Variants in LMBR1 observed in about 807,000 individuals in gnomAD.
LMBR1 encodes limb region 1 protein homolog.
A neutral mutation model predicts 73.9 loss-of-function variants in LMBR1; 52 were observed. The observed-to-expected ratio is 0.70, with a 90% CI of 0.56 to 0.89. LMBR1 has a LOEUF of 0.89. Among genes scored for constraint, LMBR1 ranks in the 40% least tolerant of loss-of-function variants. The pLI is 0.00. For missense variants in LMBR1, 539 were observed against 579.8 expected, an observed-to-expected ratio of 0.93 and a Z score of 0.72; for synonymous variants, 215 against 209.4, an observed-to-expected ratio of 1.03 and a Z score of -0.23.
chr7:156,721,555 C>T (rs753094318), intron 15 of LMBR1, among the ~76,000 whole-genome samples: 1 of 152,002 alleles, frequency 6.6e-6, no homozygotes, highest in Non-Finnish European at 1.5e-5. Flanking sequence ...ACTAAAAATA[C>T]AGACATCAAA....
rs528932308 is a variant in LMBR1, at chr7:156,726,409, A to T, written c.994-572T>A. On this transcript the variant is annotated intron_variant, in intron 12 of 16. Coordinates refer to ENST00000353442, the MANE Select transcript of LMBR1 (RefSeq NM_022458.4). ...GATTTTTAAAAAAGTAATGCTATAA[A>T]TTTTTTCCTAAACAATTATCCCTAT... Among the ~76,000 whole-genome samples the T allele has an allele frequency of 2.6e-5, 4 of 152,070 alleles. No individual in the cohort carries two copies. The East Asian group carries it at 5.8e-4, about 22-fold the overall frequency.
intron 1 of LMBR1, among the ~76,000 whole-genome samples, chr7:156,876,089 A>G (rs1800125427): frequency 6.6e-6 from 1 of 152,154 alleles, no homozygotes; most frequent in African/African-American, 2.4e-5. Context: ...CCTAACACAT[A>G]AGGACTCACA....
chr7:156,847,892 A>G (rs188857127), intron 1 of LMBR1, among the ~76,000 whole-genome samples: 1 of 152,276 alleles, frequency 6.6e-6, no homozygotes, highest in African/African-American at 2.4e-5. Flanking sequence ...TTACCATATG[A>G]TTCAGCAATC....
rs147514515 is a variant in LMBR1, at chr7:156,670,677, G to A, written n.867-1390C>T. ...GACCTGCAGATTTCCCAGTGGGAGC[G>A]GCAGAAGGTGAGATGGCATCTCCGT... On this transcript the variant is annotated intron_variant and non_coding_transcript_variant, in intron 4 of 4. Transcript: ENST00000430825. This position sits in a 1 kb window ranked among gnomAD's most constrained non-coding sequence, Gnocchi z 4.3. 1.6e-3 allele frequency among the ~76,000 whole-genome samples: 247 copies of A among 152,260 alleles called. No homozygotes were observed. Among genetic ancestry groups the A allele is most frequent in the African/African-American group, 5.3e-3 (221 of 41,546 alleles).
chr7:156,697,732 A>C (rs1013189869), intron 15 of LMBR1, among the ~76,000 whole-genome samples: 2 of 152,042 alleles, frequency 1.3e-5, no homozygotes, highest in Admixed American at 6.6e-5. Context: ...AATCACTGTT[A>C]TTCTATTCTT....
intron 9 of LMBR1, among the ~76,000 whole-genome samples, chr7:156,747,103 A>G (rs1819982555): frequency 6.6e-6 from 1 of 152,196 alleles, no homozygotes. Context: ...AAATTGTAAG[A>G]GTATCTATTT....
rs190719791 is a variant in LMBR1, at chr7:156,743,172, T to C, written c.758-8915A>G. Among the ~76,000 whole-genome samples, 346 of 152,292 alleles carry C rather than the reference T, an allele frequency of 2.3e-3. 3 individuals are homozygous for C. The highest frequency in any genetic ancestry group is 7.0e-3 in the African/African-American group (292 of 41,578). ...ATGAAGTAGCTCACTCTACTTCGTC[T>C]GGTGGTGCCACTTTTTGGGACTTTT... is the stretch of plus-strand genomic sequence containing the variant. On this transcript the variant is annotated intron_variant, in intron 9 of 16. Transcript: ENST00000353442.
chr7:156,754,003 G>A (rs548010171), intron 9 of LMBR1, among the ~76,000 whole-genome samples: 182 of 151,670 alleles, frequency 1.2e-3, no homozygotes, highest in African/African-American at 3.6e-3. Context: ...CTATGATCTC[G>A]AGACTCAGCG....
intron 15 of LMBR1, among the ~76,000 whole-genome samples, chr7:156,713,056 C>G (rs1812411809): frequency 6.6e-6 from 1 of 152,022 alleles, no homozygotes; most frequent in Non-Finnish European, 1.5e-5. Context: ...GAATCTTATT[C>G]CACGTTAAAA....
chr7:156,782,871 C>T (rs1438178847), intron 5 of LMBR1, among the ~76,000 whole-genome samples: 1 of 152,094 alleles, frequency 6.6e-6, no homozygotes, highest in Admixed American at 6.5e-5. Context: ...CTGCATTTCC[C>T]TAGTGATTAG....
intron 8 of LMBR1, among the ~76,000 whole-genome samples, chr7:156,756,801 T>C (rs1821970327): frequency 6.6e-6 from 1 of 152,086 alleles, no homozygotes; most frequent in Non-Finnish European, 1.5e-5. Flanking sequence ...GCTACATGTA[T>C]GAATTTTTTT....
intron 15 of LMBR1, among the ~76,000 whole-genome samples, chr7:156,715,044 T>C (rs1318847949): frequency 6.6e-6 from 1 of 151,682 alleles, no homozygotes; most frequent in African/African-American, 2.4e-5. Flanking sequence ...CTCTGCTGCC[T>C]GGGTTCAAGT....
At chr7:156,721,291 A>G (rs1241261635) in intron 15 of LMBR1, among the ~76,000 whole-genome samples, 1 of 152,140 alleles carries the variant, frequency 6.6e-6, no homozygotes, top group Non-Finnish European at 1.5e-5. Flanking sequence ...TTCCTCTTTA[A>G]AGGAGAATTC....
intron 5 of LMBR1, among the ~76,000 whole-genome samples, chr7:156,777,121 G>C (rs2133135440): frequency 6.6e-6 from 1 of 152,242 alleles, no homozygotes; most frequent in African/African-American, 2.4e-5. Context: ...ATTTTTAGTA[G>C]AGATGGGGTT....
chr7:156,752,135 A>G (rs1303981252), intron 9 of LMBR1, among the ~76,000 whole-genome samples: 1 of 152,228 alleles, frequency 6.6e-6, no homozygotes, highest in African/African-American at 2.4e-5. Flanking sequence ...AAGTGGAATA[A>G]AAGACATTTC....
intron 1 of LMBR1, among the ~76,000 whole-genome samples, chr7:156,839,123 C>T (rs1209685212): frequency 7.0e-6 from 1 of 142,886 alleles, no homozygotes; most frequent in African/African-American, 2.6e-5. Flanking sequence ...GATCTTGGCT[C>T]ATTGCAACCT....
chr7:156,675,682 CG>C (rs386419899), downstream of LMBR1: 72 of 1,600,654 alleles, frequency 4.5e-5, no homozygotes, highest in African/African-American at 1.9e-4. Context: ...TACCCGCCCC[CG>C]CCTCCTCCTC....
intron 14 of LMBR1, among the ~76,000 whole-genome samples, chr7:156,725,154 C>T (rs937651792): frequency 2.6e-5 from 4 of 152,148 alleles, no homozygotes; most frequent in Non-Finnish European, 2.9e-5. Flanking sequence ...ATTAGCAATA[C>T]GTTTTCTTTA....
intron 4 of LMBR1, among the ~76,000 whole-genome samples, chr7:156,815,176 G>T (rs1446786952): frequency 1.1e-5 from 1 of 91,498 alleles, no homozygotes; most frequent in Non-Finnish European, 2.3e-5. Context: ...AAAAAAAAAA[G>T]TACAAAAAAA....
Sources: gnomAD v4.1 joint callset for allele counts (sites outside exome capture counted in the v4.1 genomes callset) on GRCh38, gnomAD v4.1.1 for gene constraint, Gnocchi (gnomAD v3.1) non-coding constraint, MANE v1.5 for transcripts, NCBI Gene and HGNC (gene_info 2026-07-23, HGNC 2026-07-21) for gene names.